Variants in PIAS3 observed in about 807,000 individuals in gnomAD.
PIAS3 encodes the protein E3 SUMO-protein ligase PIAS3.
A neutral mutation model predicts 67.6 loss-of-function variants in PIAS3; 34 were observed. That is an observed-to-expected ratio of 0.50 (90% CI 0.38 to 0.67). The LOEUF (loss-of-function observed/expected upper bound fraction) is 0.67. PIAS3 is among the 30% of genes least tolerant of loss of function. The pLI is 0.00. For synonymous variants in PIAS3, 341 were observed against 313.8 expected (o/e 1.09, Z -0.92); for missense variants, 693 against 791.6 (o/e 0.88, Z 1.49).
At chr1:145,851,273 C>T in intron 9 of PIAS3, 120 bp from the exon 10 acceptor site, 1 of 1,039,324 alleles carries the variant, frequency 9.6e-7, no homozygotes, top group Non-Finnish European at 1.5e-6. Flanking sequence ...GAACATTATC[C>T]ATCCTACTGG....
chr1:145,857,477 GC>G, intron 1 of PIAS3: 1 of 168,120 alleles, frequency 5.9e-6, no homozygotes, highest in Non-Finnish European at 1.3e-5. Flanking sequence ...AAGCCAGACA[GC>G]CCCACGGGAA....
chr1:145,849,926 T>C, intron 13 of PIAS3: 1 of 1,430,718 alleles, frequency 7.0e-7, no homozygotes, highest in Non-Finnish European at 9.1e-7. Flanking sequence ...GTTAGGTTCT[T>C]GGCTTTGTGG....
In PIAS3 at chr1:145,853,600, T is replaced by A; in HGVS notation, c.1049A>T (p.Asp350Val). The A allele has an allele frequency of 6.2e-7, 1 of 1,614,014 alleles. No homozygotes were observed. Among genetic ancestry groups the A allele is most frequent in the Non-Finnish European group, 8.5e-7 (1 of 1,179,990 alleles). Reference sequence around the variant, plus strand: ...ATTCATCTGTAGATAAAGGGCAGCATCGAAGCTCTGCAGGTGGGCGCAGGT... The same window carrying A: ...ATTCATCTGTAGATAAAGGGCAGCAACGAAGCTCTGCAGGTGGGCGCAGGT... ...ALTCAHLQSF[D>V]AALYLQMNEK... is the part of the protein sequence containing the mutation. Residue 350 changes from aspartate to valine, a missense_variant, in exon 9 of 14, where the codon GAT (aspartate) becomes GTT (valine). Asp to Val is a radical substitution (Grantham distance 152). This residue lies in a region of PIAS3 where 115 missense variants were observed against 181.8 expected (regional missense o/e 0.63). Coordinates refer to ENST00000393045, the MANE Select transcript of PIAS3 (RefSeq NM_006099.3).
intron 9 of PIAS3, 55 bp downstream of exon 9, chr1:145,853,444 ATAACC>A: frequency 1.0e-5 from 13 of 1,299,402 alleles, no homozygotes; most frequent in Non-Finnish European, 1.1e-5. Flanking sequence ...AGAAAAAGAA[ATAACC>A]AAGAAAAGAG....
At position 145,853,676 on chromosome 1, in the gene PIAS3, C is replaced by G; in HGVS notation, c.985-12G>C. Reference sequence around the variant, plus strand: ...CGCATCTTCCCTAGCTGAGGAGAAGCAAGTTCTCTTGTCAGAGGCCCTACT... The same window carrying G: ...CGCATCTTCCCTAGCTGAGGAGAAGGAAGTTCTCTTGTCAGAGGCCCTACT... On this transcript the variant is annotated splice_polypyrimidine_tract_variant and intron_variant, in intron 8 of 13. Coordinates refer to ENST00000393045, the MANE Select transcript of PIAS3 (RefSeq NM_006099.3). 1.9e-6 allele frequency: 3 copies of G among 1,613,210 alleles called. No homozygotes were observed. Among genetic ancestry groups the G allele is most frequent in the Non-Finnish European group, 2.5e-6 (3 of 1,179,476 alleles).
intron 1 of PIAS3, chr1:145,857,431 G>A (rs905745510): frequency 5.7e-6 from 1 of 176,632 alleles, no homozygotes; most frequent in South Asian, 1.4e-4. Context: ...GAACAGGATA[G>A]GAGACAGGGA....
chr1:145,856,605 G>A lies in PIAS3; in HGVS notation c.426C>T (p.Ile142=). 3.2e-6 allele frequency: 5 copies of A among 1,566,478 alleles called. No individual in the cohort carries two copies. The highest frequency in any genetic ancestry group is 4.3e-6 in the Non-Finnish European group (5 of 1,155,862). ...LPFYEVYGEL[I]RPTTLASTSS... ...GAGCCATACCAAGGGTGGTGGGCCG[G>A]ATGAGCTCCCCATAGACTTCATAGA... is the stretch of plus-strand genomic sequence containing the variant. The change falls in exon 2 of 14, where the codon ATC becomes ATT. Residue 142 remains isoleucine (I), a synonymous_variant. Transcript: ENST00000393045.
chr1:145,856,380 G>A lies in PIAS3; in HGVS notation c.494C>T (p.Thr165Ile). The change falls in exon 3 of 14, where the codon ACA becomes ATA. Residue 165 changes from threonine to isoleucine, a missense_variant. Physicochemically the swap from Thr to Ile is moderately conservative, Grantham distance 89 (BLOSUM62 -1). This residue lies in a region of PIAS3 where 308 missense variants were observed against 348.8 expected (regional missense o/e 0.88). Transcript: ENST00000393045. ...AAGAATCTGCTGCACTTGCTGGGGT[G>A]TGAGGGCAAAGGTAAAGTGCGCTTC... ...FEEAHFTFAL[T>I]PQQVQQILTS... The A allele has an allele frequency of 6.2e-7, 1 of 1,614,074 alleles. No homozygotes were observed. Among genetic ancestry groups the A allele is most frequent in the Non-Finnish European group, 8.5e-7 (1 of 1,179,938 alleles).
intron 9 of PIAS3, among the ~76,000 whole-genome samples, chr1:145,853,282 T>A (rs1201988559): frequency 6.6e-6 from 1 of 151,372 alleles, no homozygotes; most frequent in Non-Finnish European, 1.5e-5. Context: ...TGGTGGTGGG[T>A]GCCTGTAATC....
In PIAS3 at chr1:145,849,058, A is replaced by G. The variant is rs1652847816; in HGVS notation, c.*388T>C. 2 of 172,358 alleles carry G rather than the reference A, an allele frequency of 1.2e-5. No homozygotes were observed. Among genetic ancestry groups the G allele is most frequent in the South Asian group, 2.0e-4 (1 of 5,014 alleles). 10.7% of individuals were successfully genotyped at this position (172,358 alleles called of 1,614,324 possible). A position where few individuals can be genotyped will look rare whatever the true frequency, so the allele number is the denominator to read the frequency against. ...AGAAATAGAGCCATGGGTTTGGGTA[A>G]TAAGAAGAGAGAGCATTTGGGGTTC... is the stretch of plus-strand genomic sequence containing the variant. On this transcript the variant is annotated 3_prime_UTR_variant, in exon 14 of 14. Coordinates refer to ENST00000393045, the MANE Select transcript of PIAS3 (RefSeq NM_006099.3).
Position 145,849,906 on chromosome 1 carries a change from C to A in PIAS3, c.1621-194G>T, listed in dbSNP as rs1652885292. On this transcript the variant is annotated intron_variant, in intron 13 of 13. Coordinates refer to ENST00000393045, the MANE Select transcript of PIAS3 (RefSeq NM_006099.3). Reference sequence around the variant, plus strand: ...CCCCTTTCCCTGCCTTGAGAGAGCTCCTCCAACTTGTTAGGTTCTTGGCTT... The same window carrying A: ...CCCCTTTCCCTGCCTTGAGAGAGCTACTCCAACTTGTTAGGTTCTTGGCTT... 3 of 1,442,650 alleles carry A rather than the reference C, an allele frequency of 2.1e-6. No homozygotes were observed. In the East Asian group the frequency reaches 7.3e-5, roughly 35 times the overall value. The allele number at this position is 1,442,650 out of a possible 1,614,324, so 89.4% of individuals were successfully genotyped here.
intron 1 of PIAS3, 84 bp downstream of exon 1, chr1:145,858,883 C>T: frequency 2.3e-6 from 3 of 1,308,838 alleles, no homozygotes; most frequent in South Asian, 1.6e-5. Flanking sequence ...CCACCCGAGC[C>T]CCGGCACCCA....
Position 145,858,948 on chromosome 1 carries a change from G to C in PIAS3, c.24+19C>G. On this transcript the variant is annotated intron_variant, in intron 1 of 13. Transcript: ENST00000393045. ...CGCCGGGCTGAGTCCAGATGGGGAT[G>C]GGGGGAGGGGGCCGGTACCTTTAAT... 2.0e-6 allele frequency: 3 copies of C among 1,509,850 alleles called. No individual in the cohort carries two copies. The highest frequency in any genetic ancestry group is 5.4e-5 in the East Asian group (2 of 36,816). 93.5% of individuals were successfully genotyped at this position (1,509,850 alleles called of 1,614,324 possible). A position where few individuals can be genotyped will look rare whatever the true frequency, so the allele number is the denominator to read the frequency against.
Position 145,859,057 on chromosome 1 carries a change from C to T in PIAS3, c.-67G>A, listed in dbSNP as rs1002501197. ...GCCCAGGGACCGGCGCACAACTCTC[C>T]ACCCTGGCGCCGGCCGCAAATGCCG... On this transcript the variant is annotated 5_prime_UTR_variant, in exon 1 of 14. Transcript: ENST00000393045. 1.3e-6 allele frequency: 2 copies of T among 1,485,192 alleles called. No individual in the cohort carries two copies. The highest frequency in any genetic ancestry group is 1.3e-5 in the South Asian group (1 of 79,544). 92.0% of individuals were successfully genotyped at this position (1,485,192 alleles called of 1,614,324 possible).
chr1:145,851,655 CAA>C (rs1188623126), intron 9 of PIAS3, among the ~76,000 whole-genome samples: 2 of 41,804 alleles, frequency 4.8e-5, no homozygotes. Context: ...GGCTCTGCCT[CAA>C]AAAAAAAAAA....
chr1:145,858,099 A>G (rs1553735965), intron 1 of PIAS3, among the ~76,000 whole-genome samples: 1 of 152,076 alleles, frequency 6.6e-6, no homozygotes, highest in East Asian at 1.9e-4. Flanking sequence ...TCCAAACTCT[A>G]TGTAGCAGGA....
chr1:145,858,212 G>A (rs1006630471), intron 1 of PIAS3, among the ~76,000 whole-genome samples: 1 of 152,088 alleles, frequency 6.6e-6, no homozygotes, highest in Non-Finnish European at 1.5e-5. Flanking sequence ...AGGAGGCTTT[G>A]TCTTGGACCC....
chr1:145,858,495 G>T (rs781971758), intron 1 of PIAS3, among the ~76,000 whole-genome samples: 15 of 148,970 alleles, frequency 1.0e-4, no homozygotes, highest in Non-Finnish European at 2.2e-4. Flanking sequence ...CCAAAGCTCG[G>T]ATCCCGAGAG....
intron 5 of PIAS3, among the ~76,000 whole-genome samples, chr1:145,855,302 TA>T (rs1653121507): frequency 6.6e-6 from 1 of 151,996 alleles, no homozygotes; most frequent in Admixed American, 6.6e-5. Context: ...GCTAACATGG[TA>T]AAACTCCGTC....
Sources: allele counts gnomAD v4.1 joint callset (sites outside exome capture counted in the v4.1 genomes callset), GRCh38; gene constraint gnomAD v4.1.1; regional missense constraint gnomAD v4.1.1; transcripts MANE v1.5; gene names NCBI Gene and HGNC (gene_info 2026-07-23, HGNC 2026-07-21).